Variants in GRID1 observed in about 807,000 individuals in gnomAD.
GRID1 encodes the protein glutamate ionotropic receptor delta type subunit 1.
Under a neutral mutation model 98.0 loss-of-function variants are expected in GRID1, and 28 were observed. The observed-to-expected ratio is 0.29, with a 90% CI of 0.21 to 0.39. The LOEUF is 0.39. GRID1 is among the 10% of genes least tolerant of loss of function. The pLI, the probability that GRID1 is intolerant of heterozygous loss-of-function variation, is 1.00. For synonymous variants in GRID1, 553 were observed against 538.5 expected (o/e 1.03, Z -0.37); for missense variants, 1,111 against 1,340.5 (o/e 0.83, Z 2.67).
At chr10:86,294,298 G>A (rs1455275286) in intron 2 of GRID1, among the ~76,000 whole-genome samples, 1 of 152,316 alleles carries the variant, frequency 6.6e-6, no homozygotes, top group African/African-American at 2.4e-5. Flanking sequence ...AAGGCCTGGC[G>A]ACTCCTGTGT....
At chr10:85,993,782 A>G (rs1372206238) in intron 4 of GRID1, among the ~76,000 whole-genome samples, 1 of 152,224 alleles carries the variant, frequency 6.6e-6, no homozygotes, top group African/African-American at 2.4e-5. Flanking sequence ...GTAAAGTAAA[A>G]TTACATTATA....
intron 12 of GRID1, among the ~76,000 whole-genome samples, chr10:85,694,550 G>GTATATATA (rs56344083): frequency 1.1e-4 from 10 of 92,792 alleles, no homozygotes; most frequent in East Asian, 3.9e-4. Flanking sequence ...AATGTGGTGT[G>GTATATATA]TATATATATA....
chr10:85,849,499 G>A (rs1843038196), intron 8 of GRID1, among the ~76,000 whole-genome samples: 1 of 152,198 alleles, frequency 6.6e-6, no homozygotes. Flanking sequence ...CAAGGGCAGT[G>A]GTGGAAATTT....
intron 2 of GRID1, among the ~76,000 whole-genome samples, chr10:86,329,288 C>T (rs565916049): frequency 7.3e-4 from 111 of 152,348 alleles, no homozygotes; most frequent in African/African-American, 2.4e-3. Context: ...GCTGCCTCTC[C>T]CCAGCTGTCA....
intron 2 of GRID1, among the ~76,000 whole-genome samples, chr10:86,329,565 G>A (rs542827787): frequency 6.6e-6 from 1 of 152,290 alleles, no homozygotes; most frequent in South Asian, 2.1e-4. Flanking sequence ...GGCAATGAGA[G>A]AATGACCCAA....
intron 4 of GRID1, among the ~76,000 whole-genome samples, chr10:85,932,540 C>T (rs1407536414): frequency 6.6e-6 from 1 of 152,190 alleles, no homozygotes; most frequent in Non-Finnish European, 1.5e-5. Context: ...AAACTGGCCC[C>T]AAGCACCTAT....
intron 12 of GRID1, among the ~76,000 whole-genome samples, chr10:85,678,362 C>T (rs1841169144): frequency 6.6e-6 from 1 of 152,200 alleles, no homozygotes; most frequent in Admixed American, 6.5e-5. Flanking sequence ...CTCTCCTCCA[C>T]CGGCCTCTTT....
chr10:85,936,868 T>A (rs1349676209), intron 4 of GRID1, among the ~76,000 whole-genome samples: 1 of 152,226 alleles, frequency 6.6e-6, no homozygotes, highest in Non-Finnish European at 1.5e-5. Flanking sequence ...AAAAGAGCAG[T>A]TATTAAGTTA....
At chr10:86,027,001 G>A (rs1472515124) in intron 4 of GRID1, among the ~76,000 whole-genome samples, 1 of 152,210 alleles carries the variant, frequency 6.6e-6, no homozygotes, top group African/African-American at 2.4e-5. Context: ...TCACAGTGGG[G>A]CCATGGGAGG....
chr10:85,797,193 A>C (rs1044618444), intron 8 of GRID1, among the ~76,000 whole-genome samples: 1 of 152,256 alleles, frequency 6.6e-6, no homozygotes, highest in Non-Finnish European at 1.5e-5. Context: ...AAAAACCTCA[A>C]AACACTGGAT....
chr10:85,975,511 T>G (rs1589320577), intron 4 of GRID1, among the ~76,000 whole-genome samples: 1 of 152,224 alleles, frequency 6.6e-6, no homozygotes, highest in Admixed American at 6.5e-5. Context: ...ATAAAAAAGC[T>G]ATAAGATGCT....
chr10:85,980,984 T>C (rs1225589534), intron 4 of GRID1, among the ~76,000 whole-genome samples: 4 of 152,242 alleles, frequency 2.6e-5, no homozygotes, highest in Non-Finnish European at 4.4e-5. Flanking sequence ...GACAGCTATC[T>C]CTTGCCTTCC....
chr10:86,219,535 C>T (rs919139684), intron 2 of GRID1, among the ~76,000 whole-genome samples: 3 of 152,168 alleles, frequency 2.0e-5, no homozygotes, highest in African/African-American at 7.2e-5. Flanking sequence ...CTATGAGGGG[C>T]AGCACCCCCG....
At chr10:86,086,167 C>T (rs1452593900) in intron 4 of GRID1, among the ~76,000 whole-genome samples, 9 of 152,150 alleles carry the variant, frequency 5.9e-5, no homozygotes, top group Admixed American at 5.9e-4. Context: ...TCCCTTGGCT[C>T]CTTCCTGCCA....
At chr10:86,301,669 C>T (rs1847689728) in intron 2 of GRID1, among the ~76,000 whole-genome samples, 1 of 152,134 alleles carries the variant, frequency 6.6e-6, no homozygotes, top group Admixed American at 6.5e-5. Context: ...CCAGTGCATC[C>T]AAAAGCCAGT....
rs2132127019 is a variant in GRID1 at position 86,366,406 on chromosome 10, G to A, written c.-14C>T. 7 of 1,487,178 alleles carry A rather than the reference G, an allele frequency of 4.7e-6. No homozygotes were observed. The highest frequency in any genetic ancestry group is 6.3e-6 in the Non-Finnish European group (7 of 1,114,722). 92.1% of individuals were successfully genotyped at this position (1,487,178 alleles called of 1,614,324 possible). A position where few individuals can be genotyped will look rare whatever the true frequency, so the allele number is the denominator to read the frequency against. ...CAGCGCTTCCATGTCCCCCGGGCGC[G>A]CGGCTCATCCACCCGGGCCCGGGGC... On this transcript the variant is annotated 5_prime_UTR_variant, in exon 1 of 16. Transcript: ENST00000327946. The surrounding 1 kb of genome is among the most constrained non-coding windows in gnomAD (Gnocchi z 4.1).
chr10:86,223,253 G>A (rs569233337), intron 2 of GRID1, among the ~76,000 whole-genome samples: 2 of 152,290 alleles, frequency 1.3e-5, no homozygotes, highest in South Asian at 4.1e-4. Context: ...GCCCTGCCCT[G>A]CGCATGGAAG....
At chr10:85,853,257 T>C (rs966737591) in intron 8 of GRID1, among the ~76,000 whole-genome samples, 4 of 152,170 alleles carry the variant, frequency 2.6e-5, no homozygotes, top group African/African-American at 9.6e-5. Flanking sequence ...AGATTCTCAG[T>C]ACCCCAACAT....
At chr10:85,917,932 C>A (rs1001789547) in intron 4 of GRID1, among the ~76,000 whole-genome samples, 1 of 152,232 alleles carries the variant, frequency 6.6e-6, no homozygotes, top group African/African-American at 2.4e-5. Context: ...GTCTCAGCCA[C>A]CCCATCCAGA....
Sources: gnomAD v4.1 joint callset for allele counts (sites outside exome capture counted in the v4.1 genomes callset) on GRCh38, gnomAD v4.1.1 for gene constraint, Gnocchi (gnomAD v3.1) non-coding constraint, MANE v1.5 for transcripts, NCBI Gene and HGNC (gene_info 2026-07-23, HGNC 2026-07-21) for gene names.